MPP2: variants seen among roughly 807,000 people sequenced by gnomAD.
The protein encoded by MPP2 is MAGUK p55 scaffold protein 2.
A neutral mutation model predicts 58.5 loss-of-function variants in MPP2; 42 were observed. The ratio of observed to expected loss-of-function variants is 0.72; its 90% CI spans 0.56 to 0.93. MPP2 has a LOEUF of 0.93. MPP2 is among the 40% of genes least tolerant of loss of function. The pLI is 0.00. For missense variants in MPP2, 632 were observed against 760.4 expected (o/e 0.83, Z 1.99); for synonymous variants, 300 against 307.8 (o/e 0.97, Z 0.26).
chr17:43,896,687 C>T (rs963699289), intron 3 of MPP2, among the ~76,000 whole-genome samples: 2 of 152,146 alleles, frequency 1.3e-5, no homozygotes, highest in African/African-American at 4.8e-5. Context: ...GTCACCCCCA[C>T]CCTGGGAAAT....
At position 43,877,895 on chromosome 17, in the gene MPP2, T is replaced by C; in HGVS notation, c.1571A>G (p.Asn524Ser). 6.2e-7 allele frequency: 1 copy of C among 1,614,048 alleles called. No individual in the cohort carries two copies. Among genetic ancestry groups the C allele is most frequent in the Non-Finnish European group, 8.5e-7 (1 of 1,179,946 alleles). Residue 524 changes from asparagine (N) to serine (S), a missense_variant, in exon 13 of 13, where the codon AAC becomes AGC. Transcript: ENST00000269095. ...GAGCTCGCGGAAGGTCCTCTCCAGG[T>C]TGCTATTGACCAGGCAGAGGTCAAA... ...HYFDLCLVNSNLERTFRELQT... is the reference protein window; with the variant it reads ...HYFDLCLVNSSLERTFRELQT...
chr17:43,902,125 G>A (rs1170084250), intron 2 of MPP2, among the ~76,000 whole-genome samples: 2 of 152,132 alleles, frequency 1.3e-5, no homozygotes, highest in Non-Finnish European at 2.9e-5. Context: ...TAGGACAGAG[G>A]CTGCCTGAAG....
chr17:43,885,268 A>C (rs1360518642), intron 3 of MPP2, among the ~76,000 whole-genome samples: 1 of 151,758 alleles, frequency 6.6e-6, no homozygotes, highest in Non-Finnish European at 1.5e-5. Flanking sequence ...TCGTTGACCC[A>C]GTTTATCCCA....
rs2047164821 is a variant in MPP2, at chr17:43,882,273, G to A, written c.681+11C>T. ...CCATCCCTTGGGCCTTGTGCTGGGT[G>A]AGGGGCCCACCTGGCGGGGCAGATG... On this transcript the variant is annotated intron_variant, in intron 6 of 12. Transcript: ENST00000269095. The A allele has an allele frequency of 1.9e-6, 3 of 1,605,408 alleles. No individual in the cohort carries two copies. The highest frequency in any genetic ancestry group is 2.7e-5 in the African/African-American group (2 of 75,008).
upstream of MPP2, chr17:43,909,436 C>T (rs987708645): frequency 2.5e-5 from 15 of 610,948 alleles, no homozygotes; most frequent in Non-Finnish European, 3.5e-5. Context: ...CCACTGTCAC[C>T]TGTCCACCTC....
At chr17:43,904,517 G>A (rs972053718) in intron 1 of MPP2, 24 bp from the exon 2 acceptor site, 3 of 1,608,994 alleles carry the variant, frequency 1.9e-6, no homozygotes, top group South Asian at 2.2e-5. Context: ...AGAGGAGGAT[G>A]AGCAGATACA....
At position 43,889,951 on chromosome 17, in the gene MPP2, T is replaced by C. The variant is rs1049655151; in HGVS notation, c.151-6596A>G. 3.3e-5 allele frequency among the ~76,000 whole-genome samples: 5 copies of C among 151,882 alleles called. No individual in the cohort carries two copies. In the East Asian group the frequency reaches 9.7e-4, roughly 29 times the overall value. On this transcript the variant is annotated intron_variant, in intron 3 of 12. Coordinates refer to ENST00000269095, the MANE Select transcript of MPP2 (RefSeq NM_005374.5). The stretch of plus-strand genomic sequence containing the variant: ...CCTCAGCCTCCCGAGTAGCTGGGAC[T>C]ACAGGCATGCACCACCACGCCTGGC...
At chr17:43,888,843 C>T (rs1316584426) in intron 3 of MPP2, among the ~76,000 whole-genome samples, 1 of 152,190 alleles carries the variant, frequency 6.6e-6, no homozygotes, top group African/African-American at 2.4e-5. Flanking sequence ...AAGCACAGCT[C>T]TCCAAGCTCA....
At chr17:43,907,308 A>G (rs2048329515) in intron 1 of MPP2, 166 bp downstream of exon 1, 1 of 968,592 alleles carries the variant, frequency 1.0e-6, no homozygotes, top group African/African-American at 1.8e-5. Context: ...GCACCCCAGA[A>G]AGAGGGCCCA....
intron 3 of MPP2, among the ~76,000 whole-genome samples, chr17:43,894,777 A>C (rs1205787242): frequency 6.6e-6 from 1 of 151,706 alleles, no homozygotes; most frequent in Non-Finnish European, 1.5e-5. Context: ...CTACAAAAAA[A>C]TTTAAAGATT....
At chr17:43,891,576 T>C (rs16940317) in intron 3 of MPP2, among the ~76,000 whole-genome samples, 7,895 of 150,558 alleles carry the variant, frequency 0.052, 743 homozygotes, top group African/African-American at 0.18. Flanking sequence ...CTCTGAGGGA[T>C]AGGTATCATT....
rs1324602379 is a variant in MPP2 at position 43,881,340 on chromosome 17, C to T, written c.823G>A (p.Val275Ile). Residue 275 changes from valine (V) to isoleucine (I), a missense_variant, in exon 8 of 13, where the codon GTC becomes ATC. Val to Ile is a conservative substitution (Grantham distance 29). Coordinates refer to ENST00000269095, the MANE Select transcript of MPP2 (RefSeq NM_005374.5). ...ATGAGCCCAGCACTGCCCCCTTCGA[C>T]ATGGCATGCCTAAAACGGACATGAG... is the stretch of plus-strand genomic sequence containing the variant. ...DDANWWQACH[V>I]EGGSAGLIPS... 2 of 1,614,008 alleles carry T rather than the reference C, an allele frequency of 1.2e-6. No homozygotes were observed. Among genetic ancestry groups the T allele is most frequent in the Non-Finnish European group, 1.7e-6 (2 of 1,180,016 alleles).
chr17:43,906,424 G>A (rs915098869), intron 1 of MPP2, among the ~76,000 whole-genome samples: 10 of 152,206 alleles, frequency 6.6e-5, no homozygotes, highest in African/African-American at 2.2e-4. Context: ...CAAAAGCCTG[G>A]GCCCAGATGC....
intron 3 of MPP2, chr17:43,884,251 A>AT (rs2047271432): frequency 1.7e-6 from 1 of 605,152 alleles, no homozygotes; most frequent in Non-Finnish European, 2.9e-6. Flanking sequence ...TTATAATTTT[A>AT]TTTTTTCTGA....
chr17:43,891,966 C>T (rs1166659820), intron 3 of MPP2, among the ~76,000 whole-genome samples: 4 of 152,186 alleles, frequency 2.6e-5, no homozygotes, highest in Admixed American at 1.3e-4. Flanking sequence ...TCTGAATGTC[C>T]CCTGCCTTGG....
At chr17:43,904,601 G>T in intron 1 of MPP2, 108 bp from the exon 2 acceptor site, 2 of 892,192 alleles carry the variant, frequency 2.2e-6, no homozygotes, top group Admixed American at 2.3e-5. Context: ...GGGAGAAGGT[G>T]CTGCCCAGAA....
chr17:43,900,549 C>A, intron 2 of MPP2: 1 of 1,545,978 alleles, frequency 6.5e-7, no homozygotes, highest in Non-Finnish European at 8.7e-7. Flanking sequence ...GGGCTGCCTG[C>A]CATGGCGGCC....
intron 2 of MPP2, among the ~76,000 whole-genome samples, chr17:43,901,072 G>C (rs1425985381): frequency 1.4e-4 from 21 of 152,092 alleles, no homozygotes; most frequent in Admixed American, 1.4e-3. Context: ...CCCCTCTCCA[G>C]GCCCTGTTTC....
intron 6 of MPP2, 22 bp downstream of exon 6, chr17:43,882,262 T>C (rs754600420): frequency 1.3e-6 from 2 of 1,598,140 alleles, no homozygotes; most frequent in South Asian, 1.1e-5. Flanking sequence ...CCCTTGGGCC[T>C]TGTGCTGGGT....
Sources: allele counts gnomAD v4.1 joint callset (sites outside exome capture counted in the v4.1 genomes callset), GRCh38; gene constraint gnomAD v4.1.1; transcripts MANE v1.5; gene names NCBI Gene and HGNC (gene_info 2026-07-23, HGNC 2026-07-21).